KIZ: variants seen among roughly 807,000 people sequenced by gnomAD.
KIZ encodes the protein kizuna centrosomal protein, also known as centrosomal protein kizuna.
Under a neutral mutation model 79.6 loss-of-function variants are expected in KIZ, and 68 were observed. The observed-to-expected ratio is 0.85, with a 90% confidence interval of 0.70 to 1.05. The LOEUF is 1.05. Among genes scored for constraint, KIZ ranks in the 50% least tolerant of loss-of-function variants. The pLI is 0.00. For synonymous variants in KIZ, 280 were observed against 281.8 expected, an observed-to-expected ratio of 0.99 and a Z score of 0.06; for missense variants, 797 against 800.4, an observed-to-expected ratio of 1.00 and a Z score of 0.05.
chr20:21,162,092 A>G lies in KIZ; in HGVS notation c.627A>G (p.Val209=), dbSNP rs2033692006. 6.2e-7 allele frequency: 1 copy of G among 1,613,652 alleles called. No homozygotes were observed. Among genetic ancestry groups the G allele is most frequent in the South Asian group, 1.1e-5 (1 of 91,066 alleles). The change falls in exon 5 of 13, where the codon GTA becomes GTG. Residue 209 remains valine, a synonymous_variant. Transcript: ENST00000619189. ...GTAATGTGACAGACAGCTGTGTAGT[A>G]CAAACTAGTAATGACACACAGTGCT... ...QSSNVTDSCV[V]QTSNDTQCLN...
intron 6 of KIZ, among the ~76,000 whole-genome samples, chr20:21,189,494 A>G (rs1430987947): frequency 6.6e-6 from 1 of 152,184 alleles, no homozygotes; most frequent in African/African-American, 2.4e-5. Flanking sequence ...GGATGGAAAT[A>G]CCTATTAAAA....
intron 2 of KIZ, among the ~76,000 whole-genome samples, chr20:21,134,445 A>G (rs2032049054): frequency 6.6e-6 from 1 of 152,126 alleles, no homozygotes; most frequent in African/African-American, 2.4e-5. Flanking sequence ...AATGGGAACA[A>G]TGACAGCTGT....
intron 9 of KIZ, chr20:21,218,124 A>T (rs1294258121): frequency 6.6e-6 from 1 of 152,256 alleles, no homozygotes; most frequent in Non-Finnish European, 1.5e-5. Flanking sequence ...AACACAATTG[A>T]GATTCAAATC....
intron 6 of KIZ, among the ~76,000 whole-genome samples, chr20:21,167,526 T>C (rs1306023040): frequency 6.6e-6 from 1 of 152,042 alleles, no homozygotes; most frequent in South Asian, 2.1e-4. Context: ...CAACAAGCAG[T>C]TTCTCATGCT....
chr20:21,187,322 A>G (rs546240986), intron 6 of KIZ, among the ~76,000 whole-genome samples: 2 of 152,250 alleles, frequency 1.3e-5, no homozygotes, highest in East Asian at 3.9e-4. Flanking sequence ...GTTATCATGG[A>G]AGTAGACCCC....
intron 6 of KIZ, among the ~76,000 whole-genome samples, chr20:21,201,743 A>G (rs2035608442): frequency 6.6e-6 from 1 of 152,208 alleles, no homozygotes; most frequent in African/African-American, 2.4e-5. Flanking sequence ...TGTGTCATCA[A>G]TGTTATAAAT....
Position 21,162,857 on chromosome 20 carries a change from T to G in KIZ, c.1050T>G (p.Leu350=). 6.2e-7 allele frequency: 1 copy of G among 1,611,904 alleles called. No individual in the cohort carries two copies. The highest frequency in any genetic ancestry group is 8.5e-7 in the Non-Finnish European group (1 of 1,178,898). Residue 350 remains leucine (L), a synonymous_variant, in exon 6 of 13, where the codon CTT becomes CTG. Coordinates refer to ENST00000619189, the MANE Select transcript of KIZ (RefSeq NM_018474.6). ...TCATGTCGCCACTTGCAGATCATCT[T>G]GCTCACAGGGAACCAAAGTCACAAA... is the stretch of plus-strand genomic sequence containing the variant. ...HSPWEGVSDH[L]AHREPKSQKP...
At chr20:21,176,280 A>G (rs114799056) in intron 6 of KIZ, among the ~76,000 whole-genome samples, 2,142 of 152,246 alleles carry the variant, frequency 0.014, 33 homozygotes, top group African/African-American at 0.045. Context: ...ACTGCACCCT[A>G]TCCTCAGTGA....
intron 4 of KIZ, among the ~76,000 whole-genome samples, chr20:21,155,618 C>T (rs1340350386): frequency 6.6e-6 from 1 of 152,092 alleles, no homozygotes; most frequent in Admixed American, 6.5e-5. Context: ...GTGATGGTCG[C>T]ACAACTCTGC....
intron 4 of KIZ, among the ~76,000 whole-genome samples, chr20:21,153,259 C>A (rs770098170): frequency 6.6e-6 from 1 of 152,106 alleles, no homozygotes; most frequent in Non-Finnish European, 1.5e-5. Flanking sequence ...ACTAGGGTAG[C>A]CTTACTTTGA....
At chr20:21,241,603 G>A (rs1004100508) in intron 11 of KIZ, among the ~76,000 whole-genome samples, 2 of 152,242 alleles carry the variant, frequency 1.3e-5, no homozygotes, top group African/African-American at 4.8e-5. Context: ...TGTTCTCAAA[G>A]CTACACTGTG....
chr20:21,170,389 ATCT>A, intron 6 of KIZ, among the ~76,000 whole-genome samples: 1 of 150,086 alleles, frequency 6.7e-6, no homozygotes, highest in South Asian at 2.1e-4. Flanking sequence ...CAAATACTAG[ATCT>A]TTTTTTTTTT....
At chr20:21,172,725 C>A (rs1362577444) in intron 6 of KIZ, among the ~76,000 whole-genome samples, 2 of 152,018 alleles carry the variant, frequency 1.3e-5, no homozygotes, top group Non-Finnish European at 2.9e-5. Flanking sequence ...TTGAGTAGGA[C>A]CTGAAGTGGG....
rs946578830 is a variant in KIZ, at chr20:21,162,238, C to T, written c.773C>T (p.Thr258Ile). Residue 258 changes from threonine (T) to isoleucine (I), a missense_variant, in exon 5 of 13, where the codon ACA (threonine) becomes ATA (isoleucine). Transcript: ENST00000619189. Reference sequence around the variant, plus strand: ...CATTGCTTGGAGATAGGAAGTAACACACGTCATGGCAAGAGTAATTTATCT... The same window carrying T: ...CATTGCTTGGAGATAGGAAGTAACATACGTCATGGCAAGAGTAATTTATCT... ...QTHCLEIGSN[T>I]RHGKSNLSEG... 2.4e-5 allele frequency: 39 copies of T among 1,613,828 alleles called. No homozygotes were observed. Among genetic ancestry groups the T allele is most frequent in the Non-Finnish European group, 3.2e-5 (38 of 1,179,852 alleles).
At chr20:21,128,007 TTTTGTTTG>T (rs544667888) in intron 1 of KIZ, among the ~76,000 whole-genome samples, 10 of 152,202 alleles carry the variant, frequency 6.6e-5, no homozygotes, top group Non-Finnish European at 1.3e-4. Flanking sequence ...GGATGTACCT[TTTTGTTTG>T]TTTGTTTATT....
intron 9 of KIZ, among the ~76,000 whole-genome samples, chr20:21,223,178 A>G (rs1464598835): frequency 2.6e-5 from 4 of 152,184 alleles, no homozygotes; most frequent in Non-Finnish European, 5.9e-5. Flanking sequence ...TCAAGTTTTG[A>G]AAAGTTAAAG....
At chr20:21,151,931 A>G (rs1490212935) in intron 4 of KIZ, 1 of 152,238 alleles carries the variant, frequency 6.6e-6, no homozygotes, top group Non-Finnish European at 1.5e-5. Flanking sequence ...GAGCAGCTGC[A>G]GAGGAGAGGC....
At chr20:21,185,522 GCCT>G (rs2034840885) in intron 6 of KIZ, among the ~76,000 whole-genome samples, 1 of 147,792 alleles carries the variant, frequency 6.8e-6, no homozygotes, top group Non-Finnish European at 1.5e-5. Context: ...CGATTCTCCT[GCCT>G]CAGCCTCCCG....
At chr20:21,215,974 A>G (rs2036272139) in intron 9 of KIZ, among the ~76,000 whole-genome samples, 1 of 152,158 alleles carries the variant, frequency 6.6e-6, no homozygotes, top group Non-Finnish European at 1.5e-5. Flanking sequence ...TACACAGCAA[A>G]CTATAGATGT....
Sources: allele counts gnomAD v4.1 joint callset (sites outside exome capture counted in the v4.1 genomes callset), GRCh38; gene constraint gnomAD v4.1.1; transcripts MANE v1.5; gene names NCBI Gene and HGNC (gene_info 2026-07-23, HGNC 2026-07-21).